Variants in SORCS3 observed in about 807,000 individuals in gnomAD.
SORCS3 encodes the protein VPS10 domain-containing receptor SorCS3.
A neutral mutation model predicts 146.3 loss-of-function variants in SORCS3; 57 were observed. That is an observed-to-expected ratio of 0.39 (90% CI 0.31 to 0.49). The LOEUF (loss-of-function observed/expected upper bound fraction) is 0.49, where lower values mean the gene tolerates loss of function less well. Ranked by LOEUF, SORCS3 falls within the 20% of genes least tolerant of loss-of-function variation. SORCS3 has a pLI of 0.92. For synonymous variants in SORCS3, 653 were observed against 618.5 expected, an observed-to-expected ratio of 1.06 and a Z score of -0.83; for missense variants, 1,341 against 1,575.5, an observed-to-expected ratio of 0.85 and a Z score of 2.52.
At chr10:105,195,441 T>A (rs1207101734) in intron 14 of SORCS3, among the ~76,000 whole-genome samples, 1 of 152,234 alleles carries the variant, frequency 6.6e-6, no homozygotes, top group East Asian at 1.9e-4. Flanking sequence ...GTTGGTGTCT[T>A]ACTTCCACAG....
At chr10:105,049,307 C>T (rs1320195811) in intron 5 of SORCS3, among the ~76,000 whole-genome samples, 4 of 152,020 alleles carry the variant, frequency 2.6e-5, no homozygotes, top group African/African-American at 9.7e-5. Context: ...CTTTCTCATC[C>T]TCTCCTTCCC....
At chr10:104,724,848 T>G (rs2016603044) in intron 1 of SORCS3, among the ~76,000 whole-genome samples, 1 of 152,228 alleles carries the variant, frequency 6.6e-6, no homozygotes, top group African/African-American at 2.4e-5. Flanking sequence ...AGGACTTCTC[T>G]GCGTTGGTTA....
chr10:105,201,764 C>A (rs1036076859), intron 16 of SORCS3, among the ~76,000 whole-genome samples: 1 of 152,188 alleles, frequency 6.6e-6, no homozygotes, highest in African/African-American at 2.4e-5. Context: ...ACCTCTGGCC[C>A]TGGCCTCCCC....
chr10:105,095,003 A>C (rs1564752438), intron 6 of SORCS3, among the ~76,000 whole-genome samples: 2 of 152,234 alleles, frequency 1.3e-5, no homozygotes. Flanking sequence ...TTGCCTGTTT[A>C]TAATGATAAA....
intron 2 of SORCS3, among the ~76,000 whole-genome samples, chr10:104,891,701 C>T (rs2018751493): frequency 6.6e-6 from 1 of 152,102 alleles, no homozygotes; most frequent in African/African-American, 2.4e-5. Context: ...CTGTTACTCC[C>T]TCTTGTCCAG....
In SORCS3 at chr10:105,088,961, G is replaced by T. The variant is rs188779369; in HGVS notation, c.1029-814G>T. ...AAGAGCTTGCCAGAGAGAGTGGATTGTGTGATCTTTAGTAAATGAGTTTTT... is the reference window on the plus strand; with the variant it reads ...AAGAGCTTGCCAGAGAGAGTGGATTTTGTGATCTTTAGTAAATGAGTTTTT... On this transcript the variant is annotated intron_variant, in intron 5 of 26. Transcript: ENST00000369701. Among the ~76,000 whole-genome samples, 273 of 152,328 alleles carry T rather than the reference G, an allele frequency of 1.8e-3. 1 individual carries two copies. Among genetic ancestry groups the T allele is most frequent in the Middle Eastern group, 3.4e-3 (1 of 294 alleles).
At chr10:105,208,234 T>C (rs2056614229) in intron 16 of SORCS3, among the ~76,000 whole-genome samples, 1 of 151,672 alleles carries the variant, frequency 6.6e-6, no homozygotes, top group Non-Finnish European at 1.5e-5. Context: ...CCAGGTACTC[T>C]GGAGGCTGAG....
intron 3 of SORCS3, among the ~76,000 whole-genome samples, chr10:104,975,416 C>G (rs892904549): frequency 9.9e-5 from 15 of 151,958 alleles, no homozygotes; most frequent in Non-Finnish European, 1.8e-4. Flanking sequence ...AAAGAGGATA[C>G]AAAGAAATGG....
At chr10:104,671,932 T>C (rs2015860334) in intron 1 of SORCS3, among the ~76,000 whole-genome samples, 1 of 152,224 alleles carries the variant, frequency 6.6e-6, no homozygotes, top group Non-Finnish European at 1.5e-5. Context: ...TCTATACTTT[T>C]CTTTTCTTAT....
chr10:104,655,866 A>G (rs990972628), intron 1 of SORCS3, among the ~76,000 whole-genome samples: 2 of 152,250 alleles, frequency 1.3e-5, no homozygotes, highest in Non-Finnish European at 2.9e-5. Flanking sequence ...AGGTCTCCCC[A>G]GAAGCAGAAG....
At chr10:104,842,656 C>T (rs1306876056) in intron 1 of SORCS3, 136 bp from the exon 2 acceptor site, 1 of 626,422 alleles carries the variant, frequency 1.6e-6, no homozygotes, top group Non-Finnish European at 2.8e-6. Context: ...TAATACCCCG[C>T]AACTCAATGG....
At chr10:105,028,167 A>G (rs929096427) in intron 4 of SORCS3, among the ~76,000 whole-genome samples, 1 of 152,126 alleles carries the variant, frequency 6.6e-6, no homozygotes, top group Non-Finnish European at 1.5e-5. Flanking sequence ...CTTATTGCCC[A>G]TTTCTCTCAT....
chr10:105,005,869 A>G (rs903806792), intron 4 of SORCS3, among the ~76,000 whole-genome samples: 4 of 152,184 alleles, frequency 2.6e-5, no homozygotes, highest in African/African-American at 9.7e-5. Context: ...AATATGCCAA[A>G]TAATCCACTC....
intron 1 of SORCS3, among the ~76,000 whole-genome samples, chr10:104,674,230 A>T (rs1490636801): frequency 1.3e-5 from 2 of 152,262 alleles, no homozygotes; most frequent in Non-Finnish European, 2.9e-5. Context: ...GTAGATGGCC[A>T]CTATATGCAG....
At chr10:104,875,392 T>A (rs560221693) in intron 2 of SORCS3, among the ~76,000 whole-genome samples, 1 of 152,198 alleles carries the variant, frequency 6.6e-6, no homozygotes, top group Non-Finnish European at 1.5e-5. Context: ...TATGTGACCA[T>A]GGACAAGTTA....
At chr10:104,827,001 G>T (rs1263946143) in intron 1 of SORCS3, among the ~76,000 whole-genome samples, 3 of 152,166 alleles carry the variant, frequency 2.0e-5, no homozygotes, top group Admixed American at 2.0e-4. Flanking sequence ...TCATGAGATT[G>T]CAGAAATTCA....
At chr10:105,028,699 C>G (rs536881248) in intron 4 of SORCS3, among the ~76,000 whole-genome samples, 5 of 152,162 alleles carry the variant, frequency 3.3e-5, no homozygotes, top group Non-Finnish European at 5.9e-5. Context: ...ACAGGGTGGT[C>G]GTGGGGATTA....
intron 14 of SORCS3, among the ~76,000 whole-genome samples, chr10:105,180,255 A>G (rs865976363): frequency 2.0e-5 from 3 of 152,212 alleles, no homozygotes; most frequent in Non-Finnish European, 4.4e-5. Flanking sequence ...ACAGTAGGTG[A>G]CAACTGAGTT....
At chr10:105,140,084 T>C (rs2123188) in intron 8 of SORCS3, among the ~76,000 whole-genome samples, 1 of 152,136 alleles carries the variant, frequency 6.6e-6, no homozygotes, top group African/African-American at 2.4e-5. Flanking sequence ...TGGAGGGAGA[T>C]GGACCTTAGA....
Sources: gnomAD v4.1 joint callset for allele counts (sites outside exome capture counted in the v4.1 genomes callset) on GRCh38, gnomAD v4.1.1 for gene constraint, MANE v1.5 for transcripts, NCBI Gene and HGNC (gene_info 2026-07-23, HGNC 2026-07-21) for gene names.